The following CHCT1 variants were observed in gnomAD, a reference collection of about 807,000 sequenced individuals.
CHCT1 encodes CHD1 helical C-terminal domain containing 1, also known as CHD1 helical C-terminal domain containing protein 1.
the CHCT1 span, among the ~76,000 whole-genome samples, chr17:60,422,903 T>G: frequency 0.17 from 26,055 of 151,974 alleles, 5,153 homozygotes; most frequent in African/African-American, 0.48. Flanking sequence ...ACATGGTCTG[T>G]GTGTGGTTGT....
the CHCT1 span, chr17:60,421,260 A>G: frequency 1.4e-6 from 1 of 691,150 alleles, no homozygotes; most frequent in Non-Finnish European, 1.8e-6. Context: ...AACAACAACG[A>G]CAACAATAAC....
chr17:60,426,707 C>T, the CHCT1 span: 10 of 1,607,276 alleles, frequency 6.2e-6, no homozygotes, highest in Non-Finnish European at 8.5e-6. Flanking sequence ...CTAGGGTCTC[C>T]CCCTTTGCAG....
the CHCT1 span, chr17:60,426,682 C>T: frequency 6.3e-7 from 1 of 1,590,346 alleles, no homozygotes; most frequent in Non-Finnish European, 8.6e-7. Flanking sequence ...AAGCGCTGTG[C>T]TCCACCTCCC....
At chr17:60,426,647 C>G in the CHCT1 span, 3 of 1,549,284 alleles carry the variant, frequency 1.9e-6, no homozygotes, top group Non-Finnish European at 2.6e-6. Flanking sequence ...TGGGTCCTGA[C>G]CCTGAGACAA....
chr17:60,421,390 C>T, the CHCT1 span: 1 of 985,624 alleles, frequency 1.0e-6, no homozygotes, highest in Non-Finnish European at 1.2e-6. Context: ...CGCTATGCCC[C>T]TCTCCTGTGC....
chr17:60,421,919 A>G, the CHCT1 span: 4 of 985,610 alleles, frequency 4.1e-6, no homozygotes, highest in Non-Finnish European at 4.8e-6. Flanking sequence ...CCGCTGCGGT[A>G]CCTGCCCCAG....
At chr17:60,422,805 T>C in the CHCT1 span, among the ~76,000 whole-genome samples, 1 of 152,240 alleles carries the variant, frequency 6.6e-6, no homozygotes, top group African/African-American at 2.4e-5. Flanking sequence ...CAGAAGTTTA[T>C]GCATGACCTG....
the CHCT1 span, chr17:60,431,326 A>G: frequency 2.5e-6 from 3 of 1,195,042 alleles, no homozygotes; most frequent in African/African-American, 4.9e-5. Context: ...GGGAATGGAG[A>G]CCAAAAAGGG....
the CHCT1 span, chr17:60,421,845 G>A: frequency 1.0e-6 from 1 of 985,226 alleles, no homozygotes; most frequent in South Asian, 4.7e-5. Context: ...CCGCCTGGTG[G>A]CTGCGCACAC....
At chr17:60,423,196 C>CTTT in the CHCT1 span, among the ~76,000 whole-genome samples, 1 of 144,528 alleles carries the variant, frequency 6.9e-6, no homozygotes, top group South Asian at 2.2e-4. Context: ...TTTCTTTGTT[C>CTTT]TTTTTTTTTT....
the CHCT1 span, chr17:60,421,744 C>A: frequency 2.4e-6 from 2 of 816,898 alleles, no homozygotes; most frequent in Non-Finnish European, 3.0e-6. Flanking sequence ...CGGACTCTGC[C>A]CACCGCGTTT....
chr17:60,426,166 A>G, the CHCT1 span: 4 of 1,551,628 alleles, frequency 2.6e-6, no homozygotes, highest in Non-Finnish European at 3.5e-6. Context: ...CTCAGTGTAA[A>G]GAATACCTAA....
chr17:60,426,508 G>A, the CHCT1 span: 3 of 1,045,536 alleles, frequency 2.9e-6, no homozygotes, highest in East Asian at 2.6e-5. Context: ...ACTGCACCTT[G>A]TCTCTGACTG....
the CHCT1 span, among the ~76,000 whole-genome samples, chr17:60,427,660 C>T: frequency 4.6e-5 from 7 of 152,178 alleles, no homozygotes; most frequent in African/African-American, 1.7e-4. Context: ...GTGATCTGCC[C>T]GCCTCAGCTC....
At chr17:60,429,297 T>C in the CHCT1 span, 2 of 1,522,474 alleles carry the variant, frequency 1.3e-6, no homozygotes, top group South Asian at 2.4e-5. Context: ...AATGCGGTGC[T>C]GGGACTCTAA....
At chr17:60,429,913 C>T in the CHCT1 span, among the ~76,000 whole-genome samples, 1 of 152,042 alleles carries the variant, frequency 6.6e-6, no homozygotes, top group Non-Finnish European at 1.5e-5. Flanking sequence ...CAACCTCTGC[C>T]TCCTGGGTTC....
At chr17:60,430,045 G>C in the CHCT1 span, among the ~76,000 whole-genome samples, 1 of 148,440 alleles carries the variant, frequency 6.7e-6, no homozygotes, top group South Asian at 2.2e-4. Context: ...AGCTGGTCTT[G>C]AGCTCCTGAG....
chr17:60,428,274 G>C, the CHCT1 span, among the ~76,000 whole-genome samples: 1 of 152,098 alleles, frequency 6.6e-6, no homozygotes, highest in Non-Finnish European at 1.5e-5. Context: ...GGAAGAGGAA[G>C]GGTTCAGCCT....
At chr17:60,429,894 G>A in the CHCT1 span, among the ~76,000 whole-genome samples, 3 of 151,730 alleles carry the variant, frequency 2.0e-5, no homozygotes, top group Non-Finnish European at 2.9e-5. Context: ...GCGCTATCTC[G>A]GCTCACTGCA....
Sources: gnomAD v4.1 joint callset for allele counts (sites outside exome capture counted in the v4.1 genomes callset) on GRCh38, gnomAD v4.1.1 for gene constraint, MANE v1.5 for transcripts, NCBI Gene and HGNC (gene_info 2026-07-23, HGNC 2026-07-21) for gene names.